RBFOX1: variants seen among roughly 807,000 people sequenced by gnomAD.
The protein encoded by RBFOX1 is RNA binding protein fox-1 homolog 1.
In RBFOX1, 8 loss-of-function variants were observed where a neutral mutation model predicts 57.7. The ratio of observed to expected loss-of-function variants is 0.14; its 90% confidence interval spans 0.08 to 0.25. The LOEUF is 0.25. Ranked by LOEUF, RBFOX1 falls within the 10% of genes least tolerant of loss-of-function variation. RBFOX1 has a pLI of 1.00. For synonymous variants in RBFOX1, 326 were observed against 222.4 expected, an observed-to-expected ratio of 1.47 and a Z score of -4.15; for missense variants, 611 against 548.5, an observed-to-expected ratio of 1.11 and a Z score of -1.14.
intron 4 of RBFOX1, among the ~76,000 whole-genome samples, chr16:5,944,468 G>A (rs559618501): frequency 7.2e-5 from 11 of 152,238 alleles, no homozygotes; most frequent in Middle Eastern, 3.4e-3. Flanking sequence ...AGGTATGGCC[G>A]TGGCCTTTAG....
At chr16:6,723,195 G>A (rs1278761505) in intron 3 of RBFOX1, among the ~76,000 whole-genome samples, 1 of 152,218 alleles carries the variant, frequency 6.6e-6, no homozygotes, top group Non-Finnish European at 1.5e-5. Flanking sequence ...GTGGATAAAA[G>A]TGTGGGCATT....
chr16:5,634,524 A>G (rs548858110), intron 3 of RBFOX1, among the ~76,000 whole-genome samples: 1 of 152,364 alleles, frequency 6.6e-6, no homozygotes, highest in African/African-American at 2.4e-5. Context: ...CAAATACCTA[A>G]GTGTGATTAA....
At chr16:7,041,535 G>A (rs2046192511) in intron 3 of RBFOX1, among the ~76,000 whole-genome samples, 1 of 152,116 alleles carries the variant, frequency 6.6e-6, no homozygotes, top group Non-Finnish European at 1.5e-5. Context: ...TTGCACTCTG[G>A]TAAAGTGATT....
At chr16:6,047,826 A>G (rs1434162920) in intron 1 of RBFOX1, among the ~76,000 whole-genome samples, 1 of 152,192 alleles carries the variant, frequency 6.6e-6, no homozygotes, top group Non-Finnish European at 1.5e-5. Flanking sequence ...AGGGTATACC[A>G]TGGCTGTGCC....
intron 12 of RBFOX1, among the ~76,000 whole-genome samples, chr16:7,657,819 C>A (rs2066703652): frequency 6.6e-6 from 1 of 152,116 alleles, no homozygotes; most frequent in African/African-American, 2.4e-5. Flanking sequence ...AAGTGGAAAA[C>A]CCTGTACCAA....
chr16:7,521,120 C>T (rs1250929569), intron 5 of RBFOX1, among the ~76,000 whole-genome samples: 1 of 152,046 alleles, frequency 6.6e-6, no homozygotes, highest in Non-Finnish European at 1.5e-5. Context: ...AGCATTTCTT[C>T]AAGGAGATGA....
intron 14 of RBFOX1, among the ~76,000 whole-genome samples, chr16:7,698,000 G>A (rs186454791): frequency 5.3e-5 from 8 of 152,276 alleles, no homozygotes; most frequent in Non-Finnish European, 1.0e-4. Context: ...GGGAGCAGAT[G>A]TCAGGTCAGG....
At chr16:6,957,856 G>C (rs576429876) in intron 3 of RBFOX1, among the ~76,000 whole-genome samples, 1 of 152,134 alleles carries the variant, frequency 6.6e-6, no homozygotes, top group African/African-American at 2.4e-5. Flanking sequence ...CTTCCTCCTA[G>C]CGTGACAGTT....
intron 3 of RBFOX1, among the ~76,000 whole-genome samples, chr16:6,690,862 C>G (rs12448122): frequency 0.5 from 75,594 of 151,328 alleles, 22,200 homozygotes; most frequent in Non-Finnish European, 0.64. Flanking sequence ...ATTTTTCCCC[C>G]CTTGGACTCT....
At chr16:7,057,113 T>G (rs1298693899) in intron 4 of RBFOX1, among the ~76,000 whole-genome samples, 7 of 151,750 alleles carry the variant, frequency 4.6e-5, no homozygotes, top group Non-Finnish European at 4.4e-5. Context: ...ATTTCACTTC[T>G]CTTCCTCCTA....
At chr16:6,673,563 C>A (rs1305990225) in intron 3 of RBFOX1, among the ~76,000 whole-genome samples, 1 of 152,130 alleles carries the variant, frequency 6.6e-6, no homozygotes, top group Non-Finnish European at 1.5e-5. Flanking sequence ...TACATTGCGC[C>A]ACTGCACTCA....
intron 1 of RBFOX1, among the ~76,000 whole-genome samples, chr16:6,065,485 T>C (rs575789361): frequency 1.3e-5 from 2 of 152,298 alleles, no homozygotes; most frequent in South Asian, 4.1e-4. Context: ...GCCTCTGATA[T>C]ATCATTGCGG....
At chr16:7,189,282 C>T (rs974169242) in intron 4 of RBFOX1, among the ~76,000 whole-genome samples, 9 of 151,586 alleles carry the variant, frequency 5.9e-5, no homozygotes, top group East Asian at 1.9e-4. Context: ...AAAAATTAGC[C>T]GGGCGTGGTG....
At chr16:5,694,255 TC>T (rs1488206250) in intron 3 of RBFOX1, among the ~76,000 whole-genome samples, 1 of 152,176 alleles carries the variant, frequency 6.6e-6, no homozygotes, top group East Asian at 1.9e-4. Flanking sequence ...AGCCTCAATT[TC>T]CAAGACTGTG....
intron 1 of RBFOX1, among the ~76,000 whole-genome samples, chr16:5,326,945 A>G (rs7191768): frequency 1 from 152,276 of 152,360 alleles, 76,096 homozygotes; most frequent in Middle Eastern, 1. Flanking sequence ...CTAGGAACTG[A>G]GGGTAAACAG....
intron 3 of RBFOX1, among the ~76,000 whole-genome samples, chr16:6,759,632 T>C (rs569310975): frequency 7.9e-5 from 12 of 152,210 alleles, no homozygotes; most frequent in African/African-American, 2.9e-4. Context: ...CATGTAGGGA[T>C]TTATTTAGGT....
intron 3 of RBFOX1, among the ~76,000 whole-genome samples, chr16:6,952,970 C>G (rs930651750): frequency 2.0e-5 from 3 of 151,940 alleles, no homozygotes; most frequent in Admixed American, 6.5e-5. Context: ...AAAATTCTGT[C>G]TCATAAAGAA....
At chr16:7,036,759 G>T (rs1439519742) in intron 3 of RBFOX1, among the ~76,000 whole-genome samples, 1 of 151,714 alleles carries the variant, frequency 6.6e-6, no homozygotes, top group Non-Finnish European at 1.5e-5. Flanking sequence ...AGAATTCAGG[G>T]AAGTCCATAG....
chr16:6,543,894 C>A (rs915273043), intron 2 of RBFOX1, among the ~76,000 whole-genome samples: 90 of 151,888 alleles, frequency 5.9e-4, no homozygotes, highest in Non-Finnish European at 1.2e-4. Context: ...AAGGATAACA[C>A]GAGATAGAAA....
Sources: gnomAD v4.1 joint callset for allele counts (sites outside exome capture counted in the v4.1 genomes callset) on GRCh38, gnomAD v4.1.1 for gene constraint, MANE v1.5 for transcripts, NCBI Gene and HGNC (gene_info 2026-07-23, HGNC 2026-07-21) for gene names.